PLXNA4: variants seen among roughly 807,000 people sequenced by gnomAD.
PLXNA4 encodes the protein plexin-A4.
A neutral mutation model predicts 191.8 loss-of-function variants in PLXNA4; 44 were observed. That is an observed-to-expected ratio of 0.23 (90% CI 0.18 to 0.29). The LOEUF (loss-of-function observed/expected upper bound fraction) is 0.29, where lower values mean the gene tolerates loss of function less well. Among genes scored for constraint, PLXNA4 ranks in the 10% least tolerant of loss-of-function variants. The pLI, the probability that PLXNA4 is intolerant of heterozygous loss-of-function variation, is 1.00. For missense variants in PLXNA4, 1,800 were observed against 2,488.8 expected (o/e 0.72, Z 5.89); for synonymous variants, 1,082 against 1,009.5 (o/e 1.07, Z -1.36).
At chr7:132,537,345 C>T (rs1056133230) in intron 1 of PLXNA4, among the ~76,000 whole-genome samples, 7 of 152,196 alleles carry the variant, frequency 4.6e-5, no homozygotes, top group Non-Finnish European at 1.0e-4. Context: ...CTACCAAGCA[C>T]GACAAATGAA....
intron 3 of PLXNA4, among the ~76,000 whole-genome samples, chr7:132,320,372 C>G (rs888249201): frequency 3.3e-5 from 5 of 152,164 alleles, no homozygotes; most frequent in Non-Finnish European, 5.9e-5. Flanking sequence ...TCACATGGCC[C>G]GGGTCTCTCT....
chr7:132,564,386 C>G (rs1801616429), intron 1 of PLXNA4, among the ~76,000 whole-genome samples: 1 of 150,718 alleles, frequency 6.6e-6, no homozygotes, highest in African/African-American at 2.4e-5. Context: ...CCTCCTCCTC[C>G]TCCTCCCCCT....
rs148304946 is a variant in PLXNA4, at chr7:132,630,196, T to C, written c.-87+15732A>G. Among the ~76,000 whole-genome samples, 797 of 152,280 alleles carry C rather than the reference T, an allele frequency of 5.2e-3. 7 individuals carry two copies. The highest frequency in any genetic ancestry group is 0.019 in the African/African-American group (771 of 41,562). Reference sequence around the variant, plus strand: ...CAGTAATCCTATCAGATTAGGACCATGCCCTTATGACCTCATTTAACCTTA... The same window carrying C: ...CAGTAATCCTATCAGATTAGGACCACGCCCTTATGACCTCATTTAACCTTA... On this transcript the variant is annotated intron_variant, in intron 2 of 4. Coordinates refer to the PLXNA4 transcript ENST00000378539.
chr7:132,280,850 G>T (rs751480767), intron 4 of PLXNA4, among the ~76,000 whole-genome samples: 1 of 152,106 alleles, frequency 6.6e-6, no homozygotes, highest in Non-Finnish European at 1.5e-5. Context: ...ATAGCCAGAG[G>T]TCTCTAACTG....
At position 132,132,488 on chromosome 7, in the gene PLXNA4, C is replaced by CTCTGCTCTATTCTAT. The variant is rs1794988145; in HGVS notation, c.5589+560_5589+561insATAGAATAGAGCAGA. ...TTCTGCTCTGCTCTGCTCTGCTCTG[C>CTCTGCTCTATTCTAT]TCTATTCTTTTCTATTCTATTCTAT... On this transcript the variant is annotated intron_variant, in intron 31 of 31. Coordinates refer to ENST00000321063, the MANE Select transcript of PLXNA4 (RefSeq NM_020911.2). Among the ~76,000 whole-genome samples the CTCTGCTCTATTCTAT allele has an allele frequency of 2.4e-5, 2 of 84,426 alleles. 1 individual carries two copies. Among genetic ancestry groups the CTCTGCTCTATTCTAT allele is most frequent in the African/African-American group, 8.5e-5 (2 of 23,478 alleles). The allele number at this position is 84,426 out of a possible 152,430, so 55.4% of individuals were successfully genotyped here.
At chr7:132,155,128 G>T (rs1318184511) in intron 25 of PLXNA4, among the ~76,000 whole-genome samples, 1 of 152,204 alleles carries the variant, frequency 6.6e-6, no homozygotes, top group African/African-American at 2.4e-5. Flanking sequence ...AGAGAGGGTG[G>T]TGGAGTTCTG....
Position 132,187,467 on chromosome 7 carries a change from T to A in PLXNA4, c.2993+4A>T. 1 of 1,612,192 alleles carries A rather than the reference T, an allele frequency of 6.2e-7. No homozygotes were observed. The highest frequency in any genetic ancestry group is 8.5e-7 in the Non-Finnish European group (1 of 1,178,938). ...GTGCTGCAGAAAGGGGCCCTCTGAGTTACCTGTGGAAGAGACAGGGCTGCT... is the reference window on the plus strand; with the variant it reads ...GTGCTGCAGAAAGGGGCCCTCTGAGATACCTGTGGAAGAGACAGGGCTGCT... On this transcript the variant is annotated splice_donor_region_variant and intron_variant, in intron 15 of 31. Transcript: ENST00000321063.
chr7:132,642,193 G>A (rs1303276093), intron 2 of PLXNA4, among the ~76,000 whole-genome samples: 1 of 151,924 alleles, frequency 6.6e-6, no homozygotes, highest in African/African-American at 2.4e-5. Context: ...AAACCCTTCT[G>A]TATACAGAAT....
chr7:132,389,465 T>C (rs139365332), intron 3 of PLXNA4, among the ~76,000 whole-genome samples: 3,869 of 152,284 alleles, frequency 0.025, 167 homozygotes, highest in African/African-American at 0.089. Flanking sequence ...GGAAGGGATC[T>C]AGTTTCAGCT....
intron 2 of PLXNA4, among the ~76,000 whole-genome samples, chr7:132,589,517 T>A (rs1250331221): frequency 2.0e-5 from 3 of 152,160 alleles, no homozygotes; most frequent in African/African-American, 7.2e-5. Context: ...GCTTTTAGTA[T>A]CCCCATTTAT....
chr7:132,337,130 A>G (rs745824494), intron 3 of PLXNA4, among the ~76,000 whole-genome samples: 45 of 152,376 alleles, frequency 3.0e-4, no homozygotes, highest in Non-Finnish European at 1.9e-4. Context: ...GCAAAGGAAC[A>G]TTCCACTGAA....
At chr7:132,333,930 G>T (rs1019249405) in intron 3 of PLXNA4, among the ~76,000 whole-genome samples, 1 of 152,116 alleles carries the variant, frequency 6.6e-6, no homozygotes, top group African/African-American at 2.4e-5. Context: ...CTTCCTCTCC[G>T]GGGTCCTGGA....
At chr7:132,311,244 G>C (rs564862102) in intron 3 of PLXNA4, among the ~76,000 whole-genome samples, 2 of 150,386 alleles carry the variant, frequency 1.3e-5, no homozygotes, top group South Asian at 4.3e-4. Context: ...TGCATGTGAC[G>C]TTACCCAAGA....
At chr7:132,608,092 C>CAGTATCACCGTCACCACCATCACCATCA (rs1802970355) in intron 2 of PLXNA4, among the ~76,000 whole-genome samples, 1 of 15,780 alleles carries the variant, frequency 6.3e-5, no homozygotes, top group Non-Finnish European at 1.5e-4. Context: ...CACCATCATC[C>CAGTATCACCGTCACCACCATCACCATCA]TCATCACTAT....
At chr7:132,181,328 C>T in intron 18 of PLXNA4, 53 bp downstream of exon 18, 1 of 1,606,114 alleles carries the variant, frequency 6.2e-7, no homozygotes, top group South Asian at 1.1e-5. Context: ...CACCCCCTTC[C>T]ATGCAGCAGC....
At chr7:132,187,650 T>C (rs1796924035) in intron 14 of PLXNA4, 43 bp from the exon 15 acceptor site, 1 of 1,571,634 alleles carries the variant, frequency 6.4e-7, no homozygotes, top group African/African-American at 1.4e-5. Flanking sequence ...CAGGAAGGGG[T>C]GGAGGAGGCT....
At chr7:132,540,481 T>C (rs752314189) in intron 1 of PLXNA4, among the ~76,000 whole-genome samples, 5 of 150,702 alleles carry the variant, frequency 3.3e-5, no homozygotes, top group Non-Finnish European at 7.4e-5. Flanking sequence ...TCCAACACGG[T>C]GTTAGTAGGA....
chr7:132,546,223 GA>G lies in PLXNA4; in HGVS notation c.-87+30198del, dbSNP rs1250487373. 4.6e-5 allele frequency among the ~76,000 whole-genome samples: 7 copies of G among 152,254 alleles called. No homozygotes were observed. The South Asian group carries it at 1.5e-3, about 32-fold the overall frequency. Reference sequence around the variant, plus strand: ...AATGAAAAACAATGGCAGCACTGCAGAAAAAGGGCTAGGATGTGGAAATGCA... The same window carrying G: ...AATGAAAAACAATGGCAGCACTGCAGAAAAGGGCTAGGATGTGGAAATGCA... On this transcript the variant is annotated intron_variant, in intron 1 of 31. Transcript: ENST00000321063.
chr7:132,446,779 G>A (rs1795927435), intron 3 of PLXNA4, among the ~76,000 whole-genome samples: 2 of 152,266 alleles, frequency 1.3e-5, no homozygotes, highest in African/African-American at 4.8e-5. Flanking sequence ...ACAAGCTAAG[G>A]TAATGAGTCT....
Sources: allele counts gnomAD v4.1 joint callset (sites outside exome capture counted in the v4.1 genomes callset), GRCh38; gene constraint gnomAD v4.1.1; transcripts MANE v1.5; gene names NCBI Gene and HGNC (gene_info 2026-07-23, HGNC 2026-07-21).